FGD6: variants seen among roughly 807,000 people sequenced by gnomAD.
FGD6 encodes FYVE, RhoGEF and PH domain-containing protein 6.
FGD6 carries 90 observed loss-of-function variants against 149.4 expected under a neutral mutation model. The ratio of observed to expected loss-of-function variants is 0.60; its 90% CI spans 0.51 to 0.72. The LOEUF is 0.72. Among genes scored for constraint, FGD6 ranks in the 30% least tolerant of loss-of-function variants. FGD6 has a pLI of 0.00. For synonymous variants in FGD6, 527 were observed against 584.0 expected (o/e 0.90, Z 1.41); for missense variants, 1,437 against 1,684.8 (o/e 0.85, Z 2.57).
chr12:95,121,367 T>C (rs1400855206), intron 8 of FGD6, among the ~76,000 whole-genome samples: 1 of 150,014 alleles, frequency 6.7e-6, no homozygotes, highest in East Asian at 2.0e-4. Flanking sequence ...CTTGAACCCC[T>C]TGAACCCAGG....
chr12:95,195,147 T>C (rs374005682), intron 2 of FGD6, among the ~76,000 whole-genome samples: 2 of 152,218 alleles, frequency 1.3e-5, no homozygotes, highest in African/African-American at 2.4e-5. Context: ...TAAAATGCCA[T>C]ATAAATTCTA....
intron 9 of FGD6, among the ~76,000 whole-genome samples, chr12:95,110,337 T>C (rs1878775892): frequency 6.8e-6 from 1 of 147,488 alleles, no homozygotes; most frequent in South Asian, 2.2e-4. Context: ...TTTCCTTATA[T>C]AGAGACCCTG....
At chr12:95,095,909 G>A (rs897588772) in intron 14 of FGD6, among the ~76,000 whole-genome samples, 9 of 152,034 alleles carry the variant, frequency 5.9e-5, no homozygotes, top group Non-Finnish European at 1.3e-4. Flanking sequence ...AGCTACTCAG[G>A]GGGCTGAGGC....
rs527397467 is a variant in FGD6 at position 95,113,608 on chromosome 12, T to G, written c.3133+43A>C. The stretch of plus-strand genomic sequence containing the variant: ...TTTTTACTTTCTAGCCCTACCTAAA[T>G]AAACATAATATAAAAACTTCTGCAA... On this transcript the variant is annotated intron_variant, in intron 9 of 20. Transcript: ENST00000343958. 45 of 1,433,964 alleles carry G rather than the reference T, an allele frequency of 3.1e-5. No homozygotes were observed. The South Asian group carries it at 3.6e-4, about 12-fold the overall frequency. The allele number at this position is 1,433,964 out of a possible 1,614,324, so 88.8% of individuals were successfully genotyped here.
At chr12:95,091,621 G>A (rs533565079) in intron 17 of FGD6, 86 bp downstream of exon 17, 239 of 765,716 alleles carry the variant, frequency 3.1e-4, no homozygotes, top group Non-Finnish European at 4.6e-4. Flanking sequence ...TATTGCTAAT[G>A]TACCGAAGGT....
At chr12:95,194,565 C>T (rs982729389) in intron 2 of FGD6, among the ~76,000 whole-genome samples, 6 of 148,122 alleles carry the variant, frequency 4.1e-5, no homozygotes, top group Non-Finnish European at 8.9e-5. Context: ...ACAAAACAAT[C>T]TGAAATAGAC....
At chr12:95,211,529 T>C (rs2056727526) in intron 1 of FGD6, among the ~76,000 whole-genome samples, 1 of 131,158 alleles carries the variant, frequency 7.6e-6, no homozygotes, top group African/African-American at 3.0e-5. Flanking sequence ...CCATATCTTT[T>C]TTTCTTTTTC....
intron 13 of FGD6, among the ~76,000 whole-genome samples, chr12:95,106,272 C>CTT (rs58785323): frequency 2.3e-5 from 3 of 130,898 alleles, no homozygotes; most frequent in East Asian, 2.3e-4. Flanking sequence ...TTTATTTGGG[C>CTT]TTTTTTTTTT....
intron 16 of FGD6, 29 bp downstream of exon 16, chr12:95,092,670 C>T (rs1382774496): frequency 1.9e-6 from 3 of 1,611,594 alleles, no homozygotes; most frequent in Middle Eastern, 1.9e-4. Context: ...GTAAAGACCA[C>T]AATGGAGATG....
chr12:95,209,792 T>C lies in FGD6; in HGVS notation c.1492A>G (p.Lys498Glu). 1 of 1,611,582 alleles carries C rather than the reference T, an allele frequency of 6.2e-7. No individual in the cohort carries two copies. Among genetic ancestry groups the C allele is most frequent in the South Asian group, 1.1e-5 (1 of 90,372 alleles). ...EENSLRIVPK[K>E]PQRHSLPATG... ...GCAGGCAAGCTATGTCTTTGAGGTT[T>C]TTTGGGGACAATTCGTAGAGAATTT... Residue 498 changes from lysine to glutamate, a missense_variant, in exon 2 of 21, where the codon AAA (lysine) becomes GAA (glutamate). By Grantham distance (56) the Lys-to-Glu change is moderately conservative. Transcript: ENST00000343958.
chr12:95,197,266 C>T lies in FGD6; in HGVS notation c.2441+11577G>A, dbSNP rs1036933401. Among the ~76,000 whole-genome samples, 8 of 152,010 alleles carry T rather than the reference C, an allele frequency of 5.3e-5. No individual in the cohort carries two copies. In the South Asian group the frequency reaches 1.0e-3, roughly 20 times the overall value. Reference sequence around the variant, plus strand: ...CCAGCCTGGCCAACATGGTGAACTCCGTCTCTACTAAAAATACAAAAATTA... The same window carrying T: ...CCAGCCTGGCCAACATGGTGAACTCTGTCTCTACTAAAAATACAAAAATTA... On this transcript the variant is annotated intron_variant, in intron 2 of 20. Coordinates refer to ENST00000343958, the MANE Select transcript of FGD6 (RefSeq NM_018351.4).
At chr12:95,182,196 TTTACAC>T (rs1881301671) in intron 2 of FGD6, among the ~76,000 whole-genome samples, 1 of 21,366 alleles carries the variant, frequency 4.7e-5, no homozygotes. Context: ...CATACACATA[TTTACAC>T]ATATATATGT....
chr12:95,093,850 CAA>C (rs72490017), intron 15 of FGD6, among the ~76,000 whole-genome samples: 3 of 123,436 alleles, frequency 2.4e-5, no homozygotes, highest in Non-Finnish European at 3.5e-5. Context: ...TCCATCTCAA[CAA>C]AAAAAAAAAA....
rs1322299825 is a variant in FGD6 at position 95,078,321 on chromosome 12, C to T, written c.*3199G>A. ...GACTACATTTGACTAAAGTGGATTT[C>T]AAACTTTTCAAAAGCTGAGCACAAT... On this transcript the variant is annotated 3_prime_UTR_variant, in exon 21 of 21. Transcript: ENST00000343958. The T allele has an allele frequency of 1.3e-5, 2 of 152,186 alleles. No individual in the cohort carries two copies. The highest frequency in any genetic ancestry group is 4.8e-5 in the African/African-American group (2 of 41,434). 9.4% of individuals were successfully genotyped at this position (152,186 alleles called of 1,614,324 possible).
chr12:95,125,959 G>A (rs1879326724), intron 8 of FGD6: 1 of 1,429,334 alleles, frequency 7.0e-7, no homozygotes, highest in Non-Finnish European at 9.9e-7. Flanking sequence ...TTTCCATACA[G>A]TGCCCACCAG....
chr12:95,204,462 C>T (rs773847205), intron 2 of FGD6, among the ~76,000 whole-genome samples: 2 of 152,028 alleles, frequency 1.3e-5, no homozygotes, highest in East Asian at 3.9e-4. Flanking sequence ...GGTAGAGAAA[C>T]TCACTGCCTA....
chr12:95,097,311 A>T (rs1878265285), intron 14 of FGD6, among the ~76,000 whole-genome samples: 3 of 152,146 alleles, frequency 2.0e-5, no homozygotes, highest in Middle Eastern at 3.2e-3. Flanking sequence ...AGTAAGTACC[A>T]CTTTCCCAAT....
chr12:95,121,559 T>C (rs992895267), intron 8 of FGD6, among the ~76,000 whole-genome samples: 1 of 150,408 alleles, frequency 6.6e-6, no homozygotes. Context: ...TGTCCTCATT[T>C]TAGAGTTTCA....
Position 95,077,480 on chromosome 12 carries a change from G to A in FGD6, c.*4040C>T, listed in dbSNP as rs984872555. On this transcript the variant is annotated 3_prime_UTR_variant, in exon 21 of 21. Coordinates refer to ENST00000343958, the MANE Select transcript of FGD6 (RefSeq NM_018351.4). The stretch of plus-strand genomic sequence containing the variant: ...AAGGAAACTGTGTGAACAAAGAAAG[G>A]TTGGGTAAGAGTTAGCTGGAATGTA... The A allele has an allele frequency of 2.0e-5, 3 of 152,318 alleles. No individual in the cohort carries two copies. The highest frequency in any genetic ancestry group is 4.4e-5 in the Non-Finnish European group (3 of 68,130). 9.4% of individuals were successfully genotyped at this position (152,318 alleles called of 1,614,324 possible).
Sources: gnomAD v4.1 joint callset for allele counts (sites outside exome capture counted in the v4.1 genomes callset) on GRCh38, gnomAD v4.1.1 for gene constraint, MANE v1.5 for transcripts, NCBI Gene and HGNC (gene_info 2026-07-23, HGNC 2026-07-21) for gene names.